ARMCX4: variants seen among roughly 807,000 people sequenced by gnomAD.
The protein encoded by ARMCX4 is armadillo repeat-containing X-linked protein 4.
A neutral mutation model predicts 34.7 loss-of-function variants in ARMCX4; 3 were observed. The observed-to-expected ratio is 0.09, with a 90% CI of 0.04 to 0.22. The LOEUF (loss-of-function observed/expected upper bound fraction) is 0.22, where lower values mean the gene tolerates loss of function less well. Ranked by LOEUF, ARMCX4 falls within the 10% of genes least tolerant of loss-of-function variation. The probability of loss-of-function intolerance (pLI) is 1.00; values close to 1 mark genes in which losing one functional copy is unlikely to be tolerated. For missense variants in ARMCX4, 1,448 were observed against 1,720.8 expected (o/e 0.84, Z 2.81); for synonymous variants, 513 against 632.8 (o/e 0.81, Z 2.84).
intron 11 of ARMCX4, among the ~76,000 whole-genome samples, chrX:101,526,301 C>T (rs1467450579): frequency 1.8e-5 from 2 of 111,731 alleles, no homozygotes; most frequent in Admixed American, 9.5e-5. Context: ...TTTGTCACCA[C>T]CAGGCCTGCC....
rs782044459 is a variant in ARMCX4 at position 101,491,852 on chromosome X, C to G, written c.3263C>G (p.Thr1088Ser). 16 of 1,154,774 alleles carry G rather than the reference C, an allele frequency of 1.4e-5. No homozygotes were observed. The highest frequency in any genetic ancestry group is 2.3e-4 in the Middle Eastern group (1 of 4,324). The change falls in exon 6 of 6, where the codon ACT becomes AGT. Residue 1088 changes from threonine to serine, a missense_variant. Thr to Ser is a moderately conservative substitution (Grantham distance 58). This residue lies in a region of ARMCX4 where 1,343 missense variants were observed against 1,540.7 expected (regional missense o/e 0.87). Transcript: ENST00000423738. Reference sequence around the variant, plus strand: ...TCAGGCACTCAAGCCTGCAGAAAGACTCAGCCTAACATCCATGACTACTAC... The same window carrying G: ...TCAGGCACTCAAGCCTGCAGAAAGAGTCAGCCTAACATCCATGACTACTAC... ...GGSGTQACRK[T>S]QPNIHDYYWN... is the part of the protein sequence containing the mutation.
At chrX:101,530,393 T>G in intron 11 of ARMCX4, among the ~76,000 whole-genome samples, 1 of 111,443 alleles carries the variant, frequency 9.0e-6, no homozygotes. Context: ...AAATGATGAA[T>G]TAATGGGTGC....
At chrX:101,435,245 T>A (rs1291927595) in intron 2 of ARMCX4, among the ~76,000 whole-genome samples, 4 of 111,971 alleles carry the variant, frequency 3.6e-5, no homozygotes, top group Non-Finnish European at 5.6e-5. Flanking sequence ...CTAGTTTACA[T>A]TCCCACCAAC....
intron 11 of ARMCX4, among the ~76,000 whole-genome samples, chrX:101,526,388 TG>T: frequency 9.0e-6 from 1 of 111,639 alleles, no homozygotes; most frequent in East Asian, 2.8e-4. Context: ...CATGCCAAAT[TG>T]TAAAGACCAT....
intron 11 of ARMCX4, among the ~76,000 whole-genome samples, chrX:101,514,520 C>T (rs1261197190): frequency 8.9e-6 from 1 of 111,989 alleles, no homozygotes; most frequent in Non-Finnish European, 1.9e-5. Context: ...GACCATGCAC[C>T]TATTGTTGCA....
chrX:101,444,429 C>T (rs1400542551), intron 3 of ARMCX4, among the ~76,000 whole-genome samples: 1 of 112,341 alleles, frequency 8.9e-6, no homozygotes, highest in African/African-American at 3.2e-5. Context: ...TATTCCCCAC[C>T]CTTGATGTCT....
chrX:101,502,889 C>T (rs1255253742), intron 7 of ARMCX4, among the ~76,000 whole-genome samples: 2 of 103,036 alleles, frequency 1.9e-5, no homozygotes, highest in African/African-American at 3.6e-5. Context: ...CACCCATTAA[C>T]TCGTCATTTA....
At chrX:101,515,742 A>T (rs1188759794) in intron 11 of ARMCX4, among the ~76,000 whole-genome samples, 1 of 107,118 alleles carries the variant, frequency 9.3e-6, no homozygotes, top group African/African-American at 3.4e-5. Context: ...GGGTTTTGCT[A>T]TGTTGGTCAA....
At chrX:101,487,307 CAA>C in intron 3 of ARMCX4, 35 bp downstream of exon 3, 1 of 143,431 alleles carries the variant, frequency 7.0e-6, no homozygotes. Context: ...CTGGGGATGA[CAA>C]GAGAGGGTGG....
Position 101,492,537 on chromosome X carries a change from G to T in ARMCX4, c.3948G>T (p.Lys1316Asn), listed in dbSNP as rs1603212903. The change falls in exon 6 of 6, where the codon AAG becomes AAT. Residue 1316 changes from lysine (K) to asparagine (N), a missense_variant. By Grantham distance (94) the Lys-to-Asn change is moderately conservative (BLOSUM62 0). Transcript: ENST00000423738. ...GTSDQSGGGSKPRFEDQASGE... is the reference protein window; with the variant it reads ...GTSDQSGGGSNPRFEDQASGE... ...GTGATCAATCTGGTGGTGGGTCCAA[G>T]CCTAGATTTGAGGATCAAGCCAGTG... 5.3e-6 allele frequency: 6 copies of T among 1,141,566 alleles called. No homozygotes were observed. In the East Asian group the frequency reaches 2.0e-4, roughly 37 times the overall value. The allele number at this position is 1,141,566 out of a possible 1,213,427, so 94.1% of individuals were successfully genotyped here. A position where few individuals can be genotyped will look rare whatever the true frequency, so the allele number is the denominator to read the frequency against.
At position 101,466,852 on chromosome X, in the gene ARMCX4, C is replaced by T. The variant is rs182721325; in HGVS notation, c.-472-19171C>T. Among the ~76,000 whole-genome samples, 668 of 111,960 alleles carry T rather than the reference C, an allele frequency of 6.0e-3. 8 individuals carry two copies. The highest frequency in any genetic ancestry group is 0.021 in the African/African-American group (644 of 30,842). ...GAACTTTACACCCTAGAAGAACAAA[C>T]TTTACTGTGTGTAAATTATACACCA... On this transcript the variant is annotated intron_variant and NMD_transcript_variant, in intron 4 of 15. Transcript: ENST00000433011.
chrX:101,501,406 A>G (rs1444567907), intron 7 of ARMCX4, among the ~76,000 whole-genome samples: 2 of 112,789 alleles, frequency 1.8e-5, no homozygotes, highest in Non-Finnish European at 1.9e-5. Flanking sequence ...AAAGAAGGCA[A>G]GTTTATTAGA....
chrX:101,516,124 G>T (rs1556017873), intron 11 of ARMCX4, among the ~76,000 whole-genome samples: 1 of 111,035 alleles, frequency 9.0e-6, no homozygotes, highest in Non-Finnish European at 1.9e-5. Context: ...CCAGATGATG[G>T]GACATAGCTT....
At chrX:101,432,926 A>ATATATACGTG (rs1930245025) in intron 2 of ARMCX4, among the ~76,000 whole-genome samples, 5 of 67,606 alleles carry the variant, frequency 7.4e-5, no homozygotes, top group Non-Finnish European at 1.3e-4. Context: ...ATACATACGT[A>ATATATACGTG]TATATATACG....
At chrX:101,520,315 C>G (rs782198922) in intron 11 of ARMCX4, among the ~76,000 whole-genome samples, 1 of 112,012 alleles carries the variant, frequency 8.9e-6, no homozygotes, top group Admixed American at 9.5e-5. Context: ...GCTAGGACCT[C>G]CACTAAAATG....
downstream of ARMCX4, chrX:101,498,341 G>A: frequency 3.9e-6 from 1 of 258,849 alleles, no homozygotes; most frequent in Non-Finnish European, 7.3e-6. Context: ...GGTAGGTGGA[G>A]TAGATAGGCC....
intron 11 of ARMCX4, among the ~76,000 whole-genome samples, chrX:101,529,515 G>A: frequency 8.9e-6 from 1 of 111,872 alleles, no homozygotes; most frequent in East Asian, 2.8e-4. Context: ...CTTCTGCACA[G>A]CAAAAGAAAC....
At chrX:101,468,271 A>G (rs1198898955) in intron 4 of ARMCX4, among the ~76,000 whole-genome samples, 1 of 110,651 alleles carries the variant, frequency 9.0e-6, no homozygotes, top group African/African-American at 3.3e-5. Flanking sequence ...ATATCAGTAT[A>G]GGGGAGTATT....
intron 2 of ARMCX4, among the ~76,000 whole-genome samples, chrX:101,434,158 G>A (rs781858234): frequency 9.1e-6 from 1 of 109,935 alleles, no homozygotes; most frequent in Non-Finnish European, 1.9e-5. Context: ...TGTTGCCCAG[G>A]CTGATCTTGA....
Sources: allele counts gnomAD v4.1 joint callset (sites outside exome capture counted in the v4.1 genomes callset), GRCh38; gene constraint gnomAD v4.1.1; regional missense constraint gnomAD v4.1.1; transcripts MANE v1.5; gene names NCBI Gene and HGNC (gene_info 2026-07-23, HGNC 2026-07-21).